The following AKAP8L variants were observed in gnomAD, a reference collection of about 807,000 sequenced individuals.
The protein encoded by AKAP8L is A-kinase anchor protein 8-like.
AKAP8L carries 34 observed loss-of-function variants against 77.5 expected under a neutral mutation model. The ratio of observed to expected loss-of-function variants is 0.44; its 90% CI spans 0.33 to 0.58. The LOEUF (loss-of-function observed/expected upper bound fraction) is 0.58, where lower values mean the gene tolerates loss of function less well. AKAP8L is among the 20% of genes least tolerant of loss of function. AKAP8L has a pLI of 0.02. For missense variants in AKAP8L, 806 were observed against 887.6 expected (o/e 0.91, Z 1.17); for synonymous variants, 342 against 340.7 (o/e 1.00, Z -0.04).
rs1162415214 is a variant in AKAP8L at position 15,403,496 on chromosome 19, A to C, written c.341T>G (p.Val114Gly). The C allele has an allele frequency of 2.0e-5, 32 of 1,613,818 alleles. No individual in the cohort carries two copies. The Admixed American group carries it at 4.5e-4, about 23-fold the overall frequency. ...HLETDMMQGG[V>G]YGSGGERYDS... is the part of the protein sequence containing the mutation. Reference sequence around the variant, plus strand: ...TCACCTTTCTCCACCTGAGCCGTACACGCCTCCTTGCATCATGTCTGTCTC... The same window carrying C: ...TCACCTTTCTCCACCTGAGCCGTACCCGCCTCCTTGCATCATGTCTGTCTC... The change falls in exon 4 of 14, where the codon GTG becomes GGG. Residue 114 changes from valine (V) to glycine (G), a missense_variant. Transcript: ENST00000397410. This position sits in a 1 kb window ranked among gnomAD's most constrained non-coding sequence, Gnocchi z 4.3.
Position 15,397,442 on chromosome 19 carries a change from G to A in AKAP8L, c.1405+78C>T. The A allele has an allele frequency of 1.3e-6, 2 of 1,497,592 alleles. No homozygotes were observed. The highest frequency in any genetic ancestry group is 2.3e-4 in the Middle Eastern group (1 of 4,438). The allele number at this position is 1,497,592 out of a possible 1,614,324, so 92.8% of individuals were successfully genotyped here. ...TGACCTTCCCTGGGGGAACAGAAGG[G>A]TGTCCTGACCCTGCACCGAAAATCA... On this transcript the variant is annotated intron_variant, in intron 11 of 13. Transcript: ENST00000397410. The surrounding 1 kb of genome is among the most constrained non-coding windows in gnomAD (Gnocchi z 4.7).
intron 12 of AKAP8L, among the ~76,000 whole-genome samples, chr19:15,396,886 G>T (rs994706224): frequency 8.5e-5 from 13 of 152,180 alleles, no homozygotes; most frequent in Non-Finnish European, 2.9e-5. Context: ...TTTGGTTTCT[G>T]AACCTAATCT....
intron 1 of AKAP8L, among the ~76,000 whole-genome samples, chr19:15,418,097 C>T (rs2145157409): frequency 6.6e-6 from 1 of 152,348 alleles, no homozygotes; most frequent in East Asian, 1.9e-4. Context: ...CCATTTAGGT[C>T]TCTGCTCAAA....
chr19:15,415,880 C>T (rs961662321), intron 1 of AKAP8L, among the ~76,000 whole-genome samples: 1 of 106,828 alleles, frequency 9.4e-6, no homozygotes, highest in South Asian at 3.2e-4. Context: ...AGCAAGACTC[C>T]GTCTCAAAAA....
At chr19:15,387,045 A>G (rs1392100272) in intron 12 of AKAP8L, among the ~76,000 whole-genome samples, 1 of 152,180 alleles carries the variant, frequency 6.6e-6, no homozygotes, top group African/African-American at 2.4e-5. Context: ...AACGGTTCCT[A>G]TCTTCTACCC....
chr19:15,417,366 G>A lies in AKAP8L; in HGVS notation c.13+1545C>T, dbSNP rs1433108184. Among the ~76,000 whole-genome samples the A allele has an allele frequency of 3.3e-5, 5 of 152,170 alleles. No homozygotes were observed. In the East Asian group the frequency reaches 7.7e-4, roughly 23 times the overall value. On this transcript the variant is annotated intron_variant, in intron 1 of 13. Coordinates refer to ENST00000397410, the MANE Select transcript of AKAP8L (RefSeq NM_014371.4). ...CCTGAACTAGGAAAGCTACAGAAAG[G>A]CTCTGGCAGAGCTGCCCAACTTGGG...
intron 1 of AKAP8L, among the ~76,000 whole-genome samples, chr19:15,415,068 A>C (rs886889098): frequency 5.9e-5 from 9 of 152,078 alleles, no homozygotes. Flanking sequence ...TCACTTTGAG[A>C]CCATGGATTT....
chr19:15,412,558 TA>T (rs1568273980), intron 1 of AKAP8L, among the ~76,000 whole-genome samples: 2 of 152,144 alleles, frequency 1.3e-5, no homozygotes, highest in Non-Finnish European at 2.9e-5. Context: ...AATACATATA[TA>T]TTTTTTTGAG....
At position 15,403,612 on chromosome 19, in the gene AKAP8L, G is replaced by A; in HGVS notation, c.225C>T (p.Asp75=). The change falls in exon 4 of 14, where the codon GAC becomes GAT. Residue 75 remains aspartate, a synonymous_variant. Coordinates refer to ENST00000397410, the MANE Select transcript of AKAP8L (RefSeq NM_014371.4). This position sits in a 1 kb window ranked among gnomAD's most constrained non-coding sequence, Gnocchi z 4.3. The part of the protein sequence containing the change: ...TSHSWEMPSS[D]TNANTSASGS... Reference sequence around the variant, plus strand: ...CCGAGGCACTAGTGTTTGCATTTGTGTCAGAGCTAGGCATTTCCCAAGAGT... The same window carrying A: ...CCGAGGCACTAGTGTTTGCATTTGTATCAGAGCTAGGCATTTCCCAAGAGT... The A allele has an allele frequency of 6.2e-7, 1 of 1,614,008 alleles. No individual in the cohort carries two copies. The highest frequency in any genetic ancestry group is 1.3e-5 in the African/African-American group (1 of 75,034).
rs190412806 is a variant in AKAP8L at position 15,384,897 on chromosome 19, G to A, written c.1537-4285C>T. Among the ~76,000 whole-genome samples, 102 of 151,932 alleles carry A rather than the reference G, an allele frequency of 6.7e-4. 1 individual carries two copies. Among genetic ancestry groups the A allele is most frequent in the Non-Finnish European group, 1.1e-3 (77 of 67,988 alleles). ...TTTTTGTTTTTGTTTTTGAGACGGA[G>A]TCTCGCTTTGTCGCCCAGGCTGGAG... On this transcript the variant is annotated intron_variant, in intron 12 of 13. Coordinates refer to ENST00000397410, the MANE Select transcript of AKAP8L (RefSeq NM_014371.4).
intron 12 of AKAP8L, among the ~76,000 whole-genome samples, chr19:15,384,838 G>A (rs539125341): frequency 1.3e-5 from 2 of 152,284 alleles, no homozygotes; most frequent in Admixed American, 6.5e-5. Context: ...TGCACATAAA[G>A]AGAGTTTGCA....
At position 15,403,571 on chromosome 19, in the gene AKAP8L, T is replaced by A; in HGVS notation, c.266A>T (p.Asp89Val). ...NTSASGSASA[D>V]SVLSRINQRL... Reference sequence around the variant, plus strand: ...CTGGTTAATTCTGGATAAAACGGAATCGGCACTGGCGCTACCCGAGGCACT... The same window carrying A: ...CTGGTTAATTCTGGATAAAACGGAAACGGCACTGGCGCTACCCGAGGCACT... Residue 89 changes from aspartate (D) to valine (V), a missense_variant, in exon 4 of 14, where the codon GAT (aspartate) becomes GTT (valine). Coordinates refer to ENST00000397410, the MANE Select transcript of AKAP8L (RefSeq NM_014371.4). The surrounding 1 kb of genome is among the most constrained non-coding windows in gnomAD (Gnocchi z 4.3). The A allele has an allele frequency of 2.5e-6, 4 of 1,613,938 alleles. No individual in the cohort carries two copies. Among genetic ancestry groups the A allele is most frequent in the South Asian group, 1.1e-5 (1 of 91,074 alleles).
At chr19:15,393,986 AATGT>A in intron 12 of AKAP8L, among the ~76,000 whole-genome samples, 1 of 152,270 alleles carries the variant, frequency 6.6e-6, no homozygotes, top group South Asian at 2.1e-4. Flanking sequence ...TGCTGGTGGA[AATGT>A]AAAATGGTGC....
chr19:15,414,971 G>A (rs1968177526), intron 1 of AKAP8L, among the ~76,000 whole-genome samples: 1 of 152,070 alleles, frequency 6.6e-6, no homozygotes, highest in South Asian at 2.1e-4. Flanking sequence ...GCTAATTTTT[G>A]TTTTCTTTTT....
intron 1 of AKAP8L, among the ~76,000 whole-genome samples, chr19:15,416,876 T>C (rs1968217197): frequency 1.3e-5 from 2 of 152,232 alleles, no homozygotes; most frequent in Non-Finnish European, 2.9e-5. Flanking sequence ...TGTTTAATAA[T>C]GCTAACATTT....
Position 15,399,220 on chromosome 19 carries a change from A to G in AKAP8L, c.1157+82T>C. On this transcript the variant is annotated intron_variant, in intron 9 of 13. Transcript: ENST00000397410. The surrounding 1 kb of genome is among the most constrained non-coding windows in gnomAD (Gnocchi z 6.1). ...TCCCAAGGGAGGCCAGAGGGCGGCG[A>G]GCTGGCAGAGCTATGGCCCTGCTCT... 7.7e-7 allele frequency: 1 copy of G among 1,299,698 alleles called. No individual in the cohort carries two copies. The highest frequency in any genetic ancestry group is 1.8e-5 in the Admixed American group (1 of 56,988). 80.5% of individuals were successfully genotyped at this position (1,299,698 alleles called of 1,614,324 possible). A position where few individuals can be genotyped will look rare whatever the true frequency, so the allele number is the denominator to read the frequency against.
rs763277198 is a variant in AKAP8L, at chr19:15,397,158, T to G, written c.1528A>C (p.Asn510His). 2.5e-6 allele frequency: 4 copies of G among 1,613,678 alleles called. No homozygotes were observed. The African/African-American group carries it at 5.3e-5, about 22-fold the overall frequency. ...GCACTGTGGCCACTCACCCTGCGGT[T>G]CCGGTTGTGATCCATGGTCTTCAGA... is the stretch of plus-strand genomic sequence containing the variant. ...KHLKTMDHNR[N>H]RRLMMEQSKK... The change falls in exon 12 of 14, where the codon AAC becomes CAC. Residue 510 changes from asparagine to histidine, a missense_variant. This residue lies in a region of AKAP8L where 580 missense variants were observed against 694.1 expected (regional missense o/e 0.84). Transcript: ENST00000397410. This position sits in a 1 kb window ranked among gnomAD's most constrained non-coding sequence, Gnocchi z 4.7.
chr19:15,400,103 G>C lies in AKAP8L; in HGVS notation c.1048+192C>G. 1.6e-5 allele frequency: 10 copies of C among 621,736 alleles called. No individual in the cohort carries two copies. The South Asian group carries it at 1.9e-4, about 12-fold the overall frequency. 38.5% of individuals were successfully genotyped at this position (621,736 alleles called of 1,614,324 possible). On this transcript the variant is annotated intron_variant, in intron 8 of 13. Transcript: ENST00000397410. ...TCACCACCATCCACAGCCTCCGCCT[G>C]GGAAGGAGGAGGAAGAGTGGGAAGG... is the stretch of plus-strand genomic sequence containing the variant.
intron 1 of AKAP8L, among the ~76,000 whole-genome samples, chr19:15,416,900 T>C (rs1400206026): frequency 2.0e-5 from 3 of 152,226 alleles, no homozygotes; most frequent in Non-Finnish European, 2.9e-5. Context: ...TCGAGGCCTC[T>C]AGGACTTACC....
Sources: gnomAD v4.1 joint callset for allele counts (sites outside exome capture counted in the v4.1 genomes callset) on GRCh38, gnomAD v4.1.1 for gene constraint, gnomAD v4.1.1 regional missense constraint, Gnocchi (gnomAD v3.1) non-coding constraint, MANE v1.5 for transcripts, NCBI Gene and HGNC (gene_info 2026-07-23, HGNC 2026-07-21) for gene names.